The following NKAIN3 variants were observed in gnomAD, a reference collection of about 807,000 sequenced individuals.
The protein encoded by NKAIN3 is sodium/potassium transporting ATPase interacting 3.
A neutral mutation model predicts 30.2 loss-of-function variants in NKAIN3; 25 were observed. The ratio of observed to expected loss-of-function variants is 0.83; its 90% CI spans 0.60 to 1.16. The LOEUF is 1.16. NKAIN3 is among the 50% of genes most tolerant of loss of function. The pLI, the probability that NKAIN3 is intolerant of heterozygous loss-of-function variation, is 0.00. For missense variants in NKAIN3, 225 were observed against 254.1 expected (o/e 0.89, Z 0.78); for synonymous variants, 91 against 89.6 (o/e 1.02, Z -0.09).
chr8:62,757,010 C>T (rs190185507), intron 4 of NKAIN3, among the ~76,000 whole-genome samples: 53 of 152,134 alleles, frequency 3.5e-4, no homozygotes, highest in African/African-American at 1.0e-3. Flanking sequence ...ATTTGGTAAA[C>T]TTAAATATTG....
At chr8:62,825,086 G>A (rs1818976485) in intron 4 of NKAIN3, among the ~76,000 whole-genome samples, 1 of 152,170 alleles carries the variant, frequency 6.6e-6, no homozygotes, top group Non-Finnish European at 1.5e-5. Flanking sequence ...TTTAAGCTTA[G>A]GACCAAGTCC....
Position 62,493,450 on chromosome 8 carries a change from A to G in NKAIN3, c.55-86089A>G, listed in dbSNP as rs374522977. Among the ~76,000 whole-genome samples, 26 of 152,044 alleles carry G rather than the reference A, an allele frequency of 1.7e-4. 1 individual carries two copies. The South Asian group carries it at 3.7e-3, about 22-fold the overall frequency. ...AGCCCTGTAATATAATTTGAAGTCA[A>G]TTAATGTGATGCCTCCAGCTTTGTT... On this transcript the variant is annotated intron_variant, in intron 1 of 6. Coordinates refer to ENST00000623646, the MANE Select transcript of NKAIN3 (RefSeq NM_001304533.3).
At position 62,906,351 on chromosome 8, in the gene NKAIN3, G is replaced by A. The variant is rs189097826; in HGVS notation, c.472-12102G>A. Among the ~76,000 whole-genome samples the A allele has an allele frequency of 9.8e-5, 15 of 152,318 alleles. No individual in the cohort carries two copies. In the East Asian group the frequency reaches 2.7e-3, roughly 27 times the overall value. On this transcript the variant is annotated intron_variant, in intron 4 of 6. Transcript: ENST00000623646. ...ATATAGAAGCTTTCTATTCACAAAT[G>A]TTCAACTTAATGACTTTCATTAGAA...
intron 1 of NKAIN3, among the ~76,000 whole-genome samples, chr8:62,567,472 G>A (rs1019482495): frequency 3.3e-5 from 5 of 152,140 alleles, no homozygotes; most frequent in Non-Finnish European, 7.3e-5. Context: ...TGGCAAAGGA[G>A]AATGCATGTC....
intron 4 of NKAIN3, among the ~76,000 whole-genome samples, chr8:62,892,181 A>C (rs1423140981): frequency 6.6e-6 from 1 of 152,230 alleles, no homozygotes; most frequent in East Asian, 1.9e-4. Context: ...ATCTGTATGT[A>C]TTATATAATG....
chr8:62,451,299 G>A (rs1001650138), intron 1 of NKAIN3, among the ~76,000 whole-genome samples: 6 of 45,354 alleles, frequency 1.3e-4, no homozygotes, highest in Admixed American at 6.2e-4. Flanking sequence ...CTCCCCTCCC[G>A]TCCCCTCCCC....
chr8:62,445,138 G>GT (rs1052762409), intron 1 of NKAIN3, among the ~76,000 whole-genome samples: 3 of 152,028 alleles, frequency 2.0e-5, no homozygotes, highest in African/African-American at 4.8e-5. Flanking sequence ...TAGAGACGGG[G>GT]TTTCACCATG....
intron 4 of NKAIN3, among the ~76,000 whole-genome samples, chr8:62,781,296 G>C (rs1352067000): frequency 1.3e-5 from 2 of 151,772 alleles, no homozygotes; most frequent in African/African-American, 4.8e-5. Context: ...CAAAAAAATG[G>C]AAGGACATTT....
At chr8:62,882,358 G>A (rs895392464) in intron 4 of NKAIN3, among the ~76,000 whole-genome samples, 13 of 151,814 alleles carry the variant, frequency 8.6e-5, no homozygotes, top group South Asian at 4.2e-4. Context: ...TCGCTCTGTC[G>A]CCCAGGCTGG....
intron 1 of NKAIN3, among the ~76,000 whole-genome samples, chr8:62,572,997 T>G (rs984412135): frequency 2.0e-5 from 3 of 152,178 alleles, no homozygotes; most frequent in Admixed American, 6.6e-5. Flanking sequence ...ACTGGGAGTA[T>G]AGGTAGTTAA....
rs1404111887 is a variant in NKAIN3 at position 62,972,581 on chromosome 8, C to T, written c.*7174C>T. Among the ~76,000 whole-genome samples the T allele has an allele frequency of 6.6e-6, 1 of 152,114 alleles. No homozygotes were observed. The highest frequency in any genetic ancestry group is 1.9e-4 in the East Asian group (1 of 5,196). On this transcript the variant is annotated 3_prime_UTR_variant, in exon 7 of 7. Coordinates refer to ENST00000623646, the MANE Select transcript of NKAIN3 (RefSeq NM_001304533.3). Reference sequence around the variant, plus strand: ...GCTTCTCAGTTGACATTTGTGAAGGCAGATTATACACATGAGACAGTGGTG... The same window carrying T: ...GCTTCTCAGTTGACATTTGTGAAGGTAGATTATACACATGAGACAGTGGTG...
Position 62,663,558 on chromosome 8 carries a change from C to G in NKAIN3, c.273+73764C>G, listed in dbSNP as rs147555681. On this transcript the variant is annotated intron_variant, in intron 3 of 6. Coordinates refer to ENST00000623646, the MANE Select transcript of NKAIN3 (RefSeq NM_001304533.3). ...GGGCAGGGAGAGATTATGAGACAAT[C>G]TACTACATCTGAATACCCACTTTGT... Among the ~76,000 whole-genome samples, 986 of 152,264 alleles carry G rather than the reference C, an allele frequency of 6.5e-3. 2 individuals carry two copies. The highest frequency in any genetic ancestry group is 0.048 in the Middle Eastern group (14 of 294).
At chr8:62,794,981 G>A (rs971440701) in intron 4 of NKAIN3, among the ~76,000 whole-genome samples, 3 of 151,974 alleles carry the variant, frequency 2.0e-5, no homozygotes, top group African/African-American at 7.2e-5. Context: ...AACTTATTGT[G>A]TACCTGTGTG....
intron 3 of NKAIN3, among the ~76,000 whole-genome samples, chr8:62,607,699 A>T (rs886720748): frequency 6.6e-6 from 1 of 151,978 alleles, no homozygotes; most frequent in African/African-American, 2.4e-5. Flanking sequence ...TTCACATTTG[A>T]ATTTGTGAAA....
chr8:62,430,278 T>A (rs200666288), intron 1 of NKAIN3, among the ~76,000 whole-genome samples: 1 of 151,872 alleles, frequency 6.6e-6, no homozygotes, highest in Admixed American at 6.6e-5. Context: ...TGCTTTCATA[T>A]TGTAGTTATT....
intron 1 of NKAIN3, among the ~76,000 whole-genome samples, chr8:62,424,295 A>T (rs560481445): frequency 4.5e-4 from 68 of 152,146 alleles, no homozygotes; most frequent in African/African-American, 1.5e-3. Context: ...ACAGGCAAGA[A>T]AAGCAAATAT....
chr8:62,608,254 A>T (rs921380126), intron 3 of NKAIN3, among the ~76,000 whole-genome samples: 2 of 152,170 alleles, frequency 1.3e-5, no homozygotes, highest in African/African-American at 4.8e-5. Flanking sequence ...GGAGAAAAAC[A>T]TTGATAAATT....
At chr8:62,652,323 A>G (rs1468180739) in intron 3 of NKAIN3, among the ~76,000 whole-genome samples, 1 of 152,206 alleles carries the variant, frequency 6.6e-6, no homozygotes, top group Non-Finnish European at 1.5e-5. Flanking sequence ...GGCCTTTAAT[A>G]TTAGAATAAT....
At chr8:62,608,586 G>A (rs1811196821) in intron 3 of NKAIN3, among the ~76,000 whole-genome samples, 1 of 152,026 alleles carries the variant, frequency 6.6e-6, no homozygotes, top group African/African-American at 2.4e-5. Context: ...TGAGAGTTTG[G>A]GAAGCATAGA....
Sources: gnomAD v4.1 joint callset for allele counts (sites outside exome capture counted in the v4.1 genomes callset) on GRCh38, gnomAD v4.1.1 for gene constraint, MANE v1.5 for transcripts, NCBI Gene and HGNC (gene_info 2026-07-23, HGNC 2026-07-21) for gene names.